KCNJ6: variants seen among roughly 807,000 people sequenced by gnomAD.
The protein encoded by KCNJ6 is G protein-activated inward rectifier potassium channel 2.
KCNJ6 carries 9 observed loss-of-function variants against 34.2 expected under a neutral mutation model. That is an observed-to-expected ratio of 0.26 (90% CI 0.16 to 0.46). The LOEUF (loss-of-function observed/expected upper bound fraction) is 0.46. KCNJ6 is among the 20% of genes least tolerant of loss of function. The pLI is 1.00. For synonymous variants in KCNJ6, 196 were observed against 207.1 expected (o/e 0.95, Z 0.46); for missense variants, 236 against 531.3 (o/e 0.44, Z 5.46).
At chr21:37,703,276 C>T (rs1233167543) in intron 3 of KCNJ6, among the ~76,000 whole-genome samples, 1 of 151,898 alleles carries the variant, frequency 6.6e-6, no homozygotes, top group African/African-American at 2.4e-5. Flanking sequence ...TGGAGATGGC[C>T]CTTGATGGAA....
chr21:37,672,125 T>C (rs1049374863), intron 3 of KCNJ6, among the ~76,000 whole-genome samples: 3 of 152,178 alleles, frequency 2.0e-5, no homozygotes, highest in African/African-American at 7.2e-5. Flanking sequence ...ATTGACCCCA[T>C]CTCTTAAGGG....
intron 2 of KCNJ6, among the ~76,000 whole-genome samples, chr21:37,814,896 CAAA>C (rs3061049): frequency 7.2e-5 from 5 of 69,194 alleles, no homozygotes; most frequent in Admixed American, 1.6e-4. Context: ...GACTCTGTCT[CAAA>C]AAAAAAAAAA....
intron 2 of KCNJ6, among the ~76,000 whole-genome samples, chr21:37,769,700 C>A (rs970414133): frequency 1.4e-4 from 21 of 151,918 alleles, no homozygotes; most frequent in Admixed American, 1.1e-3. Flanking sequence ...TTGAATATGT[C>A]CTCTCAAAAA....
At chr21:37,831,579 C>A (rs1394189483) in intron 2 of KCNJ6, among the ~76,000 whole-genome samples, 1 of 152,056 alleles carries the variant, frequency 6.6e-6, no homozygotes, top group East Asian at 1.9e-4. Flanking sequence ...CATAGGAGAG[C>A]ATGAAAACCC....
chr21:37,785,835 C>T (rs762706295), intron 2 of KCNJ6, among the ~76,000 whole-genome samples: 9 of 152,096 alleles, frequency 5.9e-5, no homozygotes, highest in Admixed American at 2.6e-4. Context: ...GAGATTGGAG[C>T]CTAATGAATG....
At chr21:37,659,447 C>T (rs1446900211) in intron 3 of KCNJ6, among the ~76,000 whole-genome samples, 1 of 152,206 alleles carries the variant, frequency 6.6e-6, no homozygotes, top group East Asian at 1.9e-4. Context: ...ACCCCAAGTG[C>T]TTCAGATGCT....
intron 1 of KCNJ6, among the ~76,000 whole-genome samples, chr21:37,890,562 C>T (rs1000838529): frequency 6.6e-6 from 1 of 152,210 alleles, no homozygotes; most frequent in South Asian, 2.1e-4. Flanking sequence ...TGCAAGAAGG[C>T]TGACCTGCCT....
Position 37,680,369 on chromosome 21 carries a change from TCA to T in KCNJ6, c.946+33840_946+33841del, listed in dbSNP as rs1446289700. Among the ~76,000 whole-genome samples, 6 of 152,274 alleles carry T rather than the reference TCA, an allele frequency of 3.9e-5. No individual in the cohort carries two copies. The East Asian group carries it at 1.2e-3, about 29-fold the overall frequency. ...ATCCAAGGATCTTCACTCCTCGAGC[TCA>T]CAGAACAGTTGACCAACGAACTCTC... On this transcript the variant is annotated intron_variant, in intron 3 of 3. Transcript: ENST00000609713.
Position 37,780,154 on chromosome 21 carries a change from G to A in KCNJ6, c.25+60504C>T, listed in dbSNP as rs147199645. On this transcript the variant is annotated intron_variant, in intron 2 of 3. Transcript: ENST00000609713. ...AAAAAGACATAGTTTTTAAGCCACA[G>A]AAAGACCTGGAGGAGGCTTAAATGC... Among the ~76,000 whole-genome samples, 545 of 145,872 alleles carry A rather than the reference G, an allele frequency of 3.7e-3. 2 individuals are homozygous for A. The highest frequency in any genetic ancestry group is 0.01 in the African/African-American group (423 of 41,146).
chr21:37,725,040 C>T (rs2054846966), intron 2 of KCNJ6, among the ~76,000 whole-genome samples: 1 of 151,538 alleles, frequency 6.6e-6, no homozygotes, highest in African/African-American at 2.4e-5. Context: ...TTGTAAATGT[C>T]TATTAAAAAA....
intron 2 of KCNJ6, among the ~76,000 whole-genome samples, chr21:37,791,971 T>C (rs1048821084): frequency 1.3e-5 from 2 of 152,224 alleles, no homozygotes; most frequent in Non-Finnish European, 2.9e-5. Context: ...AATGTTGTTA[T>C]ATCCTCCCAC....
At chr21:37,882,549 C>T (rs998990298) in intron 1 of KCNJ6, among the ~76,000 whole-genome samples, 2 of 152,198 alleles carry the variant, frequency 1.3e-5, no homozygotes, top group African/African-American at 4.8e-5. Flanking sequence ...CAGGGTCACC[C>T]ATTAATGGAA....
At chr21:37,739,214 T>A (rs571222943) in intron 2 of KCNJ6, among the ~76,000 whole-genome samples, 2 of 152,324 alleles carry the variant, frequency 1.3e-5, no homozygotes, top group East Asian at 3.8e-4. Flanking sequence ...ATAAAATATA[T>A]CATTATTTTA....
chr21:37,840,046 G>A (rs991399214), intron 2 of KCNJ6, among the ~76,000 whole-genome samples: 39 of 152,150 alleles, frequency 2.6e-4, no homozygotes, highest in African/African-American at 5.3e-4. Flanking sequence ...TGATCTGCCC[G>A]CCTCAGCCTC....
intron 2 of KCNJ6, among the ~76,000 whole-genome samples, chr21:37,759,996 C>A (rs1207678246): frequency 1.3e-5 from 2 of 152,200 alleles, no homozygotes; most frequent in African/African-American, 4.8e-5. Flanking sequence ...CCCAGAGGCC[C>A]ATGTCAGAAG....
intron 2 of KCNJ6, among the ~76,000 whole-genome samples, chr21:37,741,948 G>A (rs2054943283): frequency 6.6e-6 from 1 of 152,236 alleles, no homozygotes; most frequent in Non-Finnish European, 1.5e-5. Context: ...CACACGTGCT[G>A]TAGTAAGGGA....
intron 1 of KCNJ6, among the ~76,000 whole-genome samples, chr21:37,902,311 C>A (rs2055820697): frequency 6.6e-6 from 1 of 152,222 alleles, no homozygotes; most frequent in Admixed American, 6.5e-5. Flanking sequence ...ATCTGAGTGA[C>A]ATCTAGAATG....
In KCNJ6 at chr21:37,660,415, G is replaced by A. The variant is rs139762712; in HGVS notation, c.947-34931C>T. On this transcript the variant is annotated intron_variant, in intron 3 of 3. Coordinates refer to ENST00000609713, the MANE Select transcript of KCNJ6 (RefSeq NM_002240.5). ...TTCTCTCCCATGCTCTACCCTGAAT[G>A]GGAAGCACTGGTCGTGGGGTGTTCT... Among the ~76,000 whole-genome samples the A allele has an allele frequency of 2.1e-4, 32 of 152,312 alleles. No individual in the cohort carries two copies. In the East Asian group the frequency reaches 5.8e-3, roughly 28 times the overall value.
At chr21:37,677,791 C>CCATCCATCCATCCATCCAT (rs1399999027) in intron 3 of KCNJ6, among the ~76,000 whole-genome samples, 255 of 13,774 alleles carry the variant, frequency 0.019, no homozygotes, top group East Asian at 0.034. Flanking sequence ...CATCCATCCA[C>CCATCCATCCATCCATCCAT]CCACCTATCC....
Sources: allele counts gnomAD v4.1 joint callset (sites outside exome capture counted in the v4.1 genomes callset), GRCh38; gene constraint gnomAD v4.1.1; transcripts MANE v1.5; gene names NCBI Gene and HGNC (gene_info 2026-07-23, HGNC 2026-07-21).